The following TENM2 variants were observed in gnomAD, a reference collection of about 807,000 sequenced individuals.
The protein encoded by TENM2 is teneurin-2.
A neutral mutation model predicts 245.2 loss-of-function variants in TENM2; 52 were observed. The ratio of observed to expected loss-of-function variants is 0.21; its 90% confidence interval spans 0.17 to 0.27. The LOEUF (loss-of-function observed/expected upper bound fraction) is 0.27, where lower values mean the gene tolerates loss of function less well. TENM2 is among the 10% of genes least tolerant of loss of function. The pLI is 1.00. For synonymous variants in TENM2, 1,363 were observed against 1,438.9 expected (o/e 0.95, Z 1.19); for missense variants, 3,046 against 3,666.8 (o/e 0.83, Z 4.37).
chr5:167,912,586 G>A (rs770271657), intron 3 of TENM2, among the ~76,000 whole-genome samples: 12 of 152,228 alleles, frequency 7.9e-5, no homozygotes, highest in Non-Finnish European at 1.6e-4. Context: ...CCTTTTGCAC[G>A]TTGCTTTTGC....
At chr5:167,539,724 A>T (rs1772075508) in intron 2 of TENM2, among the ~76,000 whole-genome samples, 1 of 152,206 alleles carries the variant, frequency 6.6e-6, no homozygotes, top group African/African-American at 2.4e-5. Flanking sequence ...TTTCTTCCAT[A>T]TGCAAAATAT....
intron 2 of TENM2, among the ~76,000 whole-genome samples, chr5:167,465,724 C>A (rs1417979933): frequency 6.6e-6 from 1 of 151,904 alleles, no homozygotes; most frequent in Non-Finnish European, 1.5e-5. Flanking sequence ...CCAGCTACTC[C>A]GGAGGCTGAG....
chr5:167,652,227 A>G (rs560585452), intron 2 of TENM2, among the ~76,000 whole-genome samples: 2 of 152,290 alleles, frequency 1.3e-5, no homozygotes, highest in East Asian at 3.9e-4. Flanking sequence ...CACTTTCTCT[A>G]TGGCATCCAA....
the TENM2 span, among the ~76,000 whole-genome samples, chr5:167,090,268 T>G: frequency 6.6e-6 from 1 of 151,386 alleles, no homozygotes. Flanking sequence ...AGTTGCTTAT[T>G]TACTTCATTT....
At chr5:167,489,563 C>T (rs1768297523) in intron 2 of TENM2, among the ~76,000 whole-genome samples, 1 of 152,080 alleles carries the variant, frequency 6.6e-6, no homozygotes, top group South Asian at 2.1e-4. Context: ...TCCTGCCTTG[C>T]TTTATTTATT....
At chr5:167,867,825 C>T (rs988600807) in intron 2 of TENM2, among the ~76,000 whole-genome samples, 2 of 152,268 alleles carry the variant, frequency 1.3e-5, no homozygotes, top group Admixed American at 6.5e-5. Context: ...AAACAGATCT[C>T]TCTCGCCTCT....
chr5:168,195,327 A>G lies in TENM2; in HGVS notation c.2900+32A>G, dbSNP rs754828268. The G allele has an allele frequency of 2.6e-6, 4 of 1,558,176 alleles. No individual in the cohort carries two copies. The South Asian group carries it at 3.5e-5, about 14-fold the overall frequency. On this transcript the variant is annotated intron_variant, in intron 15 of 28. Coordinates refer to ENST00000518659, the Ensembl canonical transcript of TENM2. ...AGCTTTGTGGGGCTCGGACCTACTC[A>G]GGACCACACGTGTGTGCAAAGGGAC...
the TENM2 span, among the ~76,000 whole-genome samples, chr5:167,050,536 T>C: frequency 6.6e-6 from 1 of 152,058 alleles, no homozygotes; most frequent in South Asian, 2.1e-4. Context: ...CATCCTGAGG[T>C]CAGTGAAGAA....
intron 2 of TENM2, among the ~76,000 whole-genome samples, chr5:167,378,159 A>G (rs559481528): frequency 3.3e-5 from 5 of 152,236 alleles, no homozygotes; most frequent in Middle Eastern, 6.8e-3. Context: ...AGCATAGTTA[A>G]TGAGTGAAGA....
chr5:168,009,952 G>A (rs1326213188), intron 5 of TENM2, among the ~76,000 whole-genome samples: 1 of 152,120 alleles, frequency 6.6e-6, no homozygotes. Context: ...TAAGGCCATG[G>A]TCAGACCCTT....
intron 2 of TENM2, among the ~76,000 whole-genome samples, chr5:167,831,710 T>C (rs1768513411): frequency 6.6e-6 from 1 of 152,166 alleles, no homozygotes; most frequent in Non-Finnish European, 1.5e-5. Flanking sequence ...GCAGCAATTT[T>C]CCCAACAGTT....
At chr5:167,578,436 T>C (rs1400622377) in intron 2 of TENM2, among the ~76,000 whole-genome samples, 1 of 152,190 alleles carries the variant, frequency 6.6e-6, no homozygotes, top group Non-Finnish European at 1.5e-5. Context: ...TTATAATTAT[T>C]GCAATTTCTT....
chr5:167,864,036 G>T (rs549248310), intron 2 of TENM2, among the ~76,000 whole-genome samples: 3 of 152,226 alleles, frequency 2.0e-5, no homozygotes, highest in Admixed American at 6.5e-5. Flanking sequence ...TTGGCTACTG[G>T]TGGGTAGACT....
intron 5 of TENM2, among the ~76,000 whole-genome samples, chr5:168,013,804 A>G (rs940057264): frequency 6.6e-6 from 1 of 152,182 alleles, no homozygotes; most frequent in Non-Finnish European, 1.5e-5. Flanking sequence ...ATTGTCTCCT[A>G]TGGTTCTGGA....
At chr5:167,258,655 ATGAAAAC>A in the TENM2 span, among the ~76,000 whole-genome samples, 6 of 152,160 alleles carry the variant, frequency 3.9e-5, no homozygotes, top group Non-Finnish European at 8.8e-5. Flanking sequence ...AGCTTCTATC[ATGAAAAC>A]CTGGGCCACT....
At chr5:167,531,254 C>A (rs1175259883) in intron 2 of TENM2, among the ~76,000 whole-genome samples, 2 of 152,184 alleles carry the variant, frequency 1.3e-5, no homozygotes, top group African/African-American at 4.8e-5. Flanking sequence ...AGGCCAAGAA[C>A]TGCAGGCTTG....
chr5:167,924,899 C>G (rs1583384421), intron 3 of TENM2, among the ~76,000 whole-genome samples: 1 of 152,252 alleles, frequency 6.6e-6, no homozygotes, highest in Non-Finnish European at 1.5e-5. Flanking sequence ...CAAATACTGG[C>G]AGGGATGTAG....
intron 2 of TENM2, among the ~76,000 whole-genome samples, chr5:167,589,718 A>C (rs2127702923): frequency 6.6e-6 from 1 of 152,170 alleles, no homozygotes; most frequent in South Asian, 2.1e-4. Context: ...TAAAAAATAA[A>C]GATTGTTTCT....
intron 2 of TENM2, among the ~76,000 whole-genome samples, chr5:167,401,760 T>C (rs1304756726): frequency 2.0e-5 from 3 of 152,190 alleles, no homozygotes; most frequent in Non-Finnish European, 4.4e-5. Context: ...ACTGACATTC[T>C]AAATTTTGAG....
Sources: gnomAD v4.1 joint callset for allele counts (sites outside exome capture counted in the v4.1 genomes callset) on GRCh38, gnomAD v4.1.1 for gene constraint, MANE v1.5 for transcripts, NCBI Gene and HGNC (gene_info 2026-07-23, HGNC 2026-07-21) for gene names.